SGK3: variants seen among roughly 807,000 people sequenced by gnomAD.
SGK3 encodes the protein serum/glucocorticoid regulated kinase family member 3, also known as serine/threonine-protein kinase Sgk3.
Under a neutral mutation model 68.5 loss-of-function variants are expected in SGK3, and 47 were observed. The ratio of observed to expected loss-of-function variants is 0.69; its 90% CI spans 0.54 to 0.87. The LOEUF is 0.87. Among genes scored for constraint, SGK3 ranks in the 40% least tolerant of loss-of-function variants. The pLI is 0.00. For missense variants in SGK3, 479 were observed against 575.5 expected, an observed-to-expected ratio of 0.83 and a Z score of 1.72; for synonymous variants, 181 against 189.1, an observed-to-expected ratio of 0.96 and a Z score of 0.35.
In SGK3 at chr8:66,859,899, A is replaced by C. The variant is rs77572541; in HGVS notation, c.*318A>C. ...TTTTTCCCTCTAAGTTTACACTAAC[A>C]TCTACCCAAGATAGACTGTTTTTTA... On this transcript the variant is annotated 3_prime_UTR_variant, in exon 17 of 17. Coordinates refer to ENST00000521198, the MANE Select transcript of SGK3 (RefSeq NM_001033578.3). 4.9e-6 allele frequency: 1 copy of C among 204,668 alleles called. No homozygotes were observed. The highest frequency in any genetic ancestry group is 1.1e-4 in the East Asian group (1 of 8,780). 12.7% of individuals were successfully genotyped at this position (204,668 alleles called of 1,614,324 possible).
At chr8:66,760,241 G>T (rs1321743440) in intron 1 of SGK3, among the ~76,000 whole-genome samples, 13 of 151,832 alleles carry the variant, frequency 8.6e-5, no homozygotes, top group Admixed American at 7.9e-4. Context: ...TCTACATTTG[G>T]CTTGAAAGCT....
chr8:66,806,739 G>A (rs961250577), intron 4 of SGK3, among the ~76,000 whole-genome samples: 4 of 151,610 alleles, frequency 2.6e-5, no homozygotes, highest in African/African-American at 9.7e-5. Flanking sequence ...CTTGAATCCA[G>A]GAGTCGGAGG....
At chr8:66,729,165 G>A (rs1805064850) in intron 1 of SGK3, among the ~76,000 whole-genome samples, 2 of 148,728 alleles carry the variant, frequency 1.3e-5, no homozygotes, top group Non-Finnish European at 3.0e-5. Flanking sequence ...CTTGCAGTGA[G>A]CCGAGATCGC....
chr8:66,769,954 CTT>C (rs1034513828), intron 1 of SGK3, among the ~76,000 whole-genome samples: 1 of 151,874 alleles, frequency 6.6e-6, no homozygotes, highest in Non-Finnish European at 1.5e-5. Context: ...TTAGTGATTA[CTT>C]TTTTTGTTTG....
At chr8:66,762,875 C>T (rs1806215960) in intron 1 of SGK3, among the ~76,000 whole-genome samples, 1 of 152,192 alleles carries the variant, frequency 6.6e-6, no homozygotes, top group Admixed American at 6.5e-5. Context: ...CCTGCAGTCC[C>T]TATAAATTGG....
At chr8:66,800,374 C>T (rs1015375737) in intron 3 of SGK3, among the ~76,000 whole-genome samples, 18 of 124,784 alleles carry the variant, frequency 1.4e-4, no homozygotes, top group East Asian at 4.5e-4. Context: ...GGAGTTTTTT[C>T]ATTTCTTTTT....
At chr8:66,760,129 A>G (rs1262196507) in intron 1 of SGK3, among the ~76,000 whole-genome samples, 3 of 152,178 alleles carry the variant, frequency 2.0e-5, no homozygotes, top group Non-Finnish European at 4.4e-5. Flanking sequence ...ACAATATTAT[A>G]AAAATCACAT....
chr8:66,764,216 AGAGTTT>A (rs1006468346), intron 1 of SGK3, among the ~76,000 whole-genome samples: 3 of 152,150 alleles, frequency 2.0e-5, no homozygotes, highest in African/African-American at 7.2e-5. Flanking sequence ...TTACCTGAAT[AGAGTTT>A]AAGATTTTTT....
chr8:66,761,947 C>A (rs1477038230), intron 1 of SGK3, among the ~76,000 whole-genome samples: 5 of 152,168 alleles, frequency 3.3e-5, no homozygotes, highest in Admixed American at 3.3e-4. Context: ...CCTACACACA[C>A]ATAATTTTGA....
At chr8:66,844,583 G>C (rs934170087) in intron 14 of SGK3, among the ~76,000 whole-genome samples, 15 of 152,200 alleles carry the variant, frequency 9.9e-5, no homozygotes, top group Non-Finnish European at 1.8e-4. Context: ...TTTTTGACAT[G>C]TTTAGAAATA....
chr8:66,765,697 T>G lies in SGK3; in HGVS notation c.-121-27919T>G, dbSNP rs1402896042. The stretch of plus-strand genomic sequence containing the variant: ...TCCTTTCAATTTCTTCTTTGACCCA[T>G]GGGTTATTAGGGCTGTATATTTGGA... On this transcript the variant is annotated intron_variant, in intron 1 of 16. Transcript: ENST00000521198. Among the ~76,000 whole-genome samples, 7 of 152,266 alleles carry G rather than the reference T, an allele frequency of 4.6e-5. No homozygotes were observed. The East Asian group carries it at 7.7e-4, about 17-fold the overall frequency.
At chr8:66,771,989 A>G (rs538743954) in intron 1 of SGK3, among the ~76,000 whole-genome samples, 8 of 150,218 alleles carry the variant, frequency 5.3e-5, no homozygotes, top group African/African-American at 1.7e-4. Flanking sequence ...TTACTTCAGT[A>G]TCATAATATT....
intron 14 of SGK3, among the ~76,000 whole-genome samples, chr8:66,844,021 C>G (rs1023236964): frequency 6.3e-5 from 9 of 143,208 alleles, no homozygotes; most frequent in African/African-American, 1.6e-4. Flanking sequence ...AAAAAAAAAC[C>G]CTTTTTATTT....
At chr8:66,793,530 A>C (rs190038534) in intron 1 of SGK3, 86 bp from the exon 2 acceptor site, 2 of 438,172 alleles carry the variant, frequency 4.6e-6, no homozygotes, top group African/African-American at 4.0e-5. Flanking sequence ...AGAATAAACG[A>C]AAATTAGTCC....
chr8:66,714,528 A>G (rs1488571077), intron 1 of SGK3, among the ~76,000 whole-genome samples: 1 of 152,052 alleles, frequency 6.6e-6, no homozygotes, highest in Non-Finnish European at 1.5e-5. Context: ...TCTCTCTCAT[A>G]TATTTAACTT....
intron 1 of SGK3, among the ~76,000 whole-genome samples, chr8:66,721,289 T>A (rs1489713917): frequency 6.6e-6 from 1 of 152,212 alleles, no homozygotes; most frequent in Non-Finnish European, 1.5e-5. Context: ...GTATAGCAGG[T>A]GTGGGCTCCT....
chr8:66,858,334 T>C (rs192767513), intron 16 of SGK3, among the ~76,000 whole-genome samples: 1,588 of 151,760 alleles, frequency 0.01, 13 homozygotes, highest in Middle Eastern at 0.027. Flanking sequence ...GGCATGGTGG[T>C]GGGCGCCTGT....
At chr8:66,719,660 A>G (rs1018207449) in intron 1 of SGK3, among the ~76,000 whole-genome samples, 2 of 152,156 alleles carry the variant, frequency 1.3e-5, no homozygotes, top group African/African-American at 4.8e-5. Context: ...ACATCTATAG[A>G]TCTATATCGT....
In SGK3 at chr8:66,723,131, A is replaced by ATTTTTTTT. The variant is rs1177940065; in HGVS notation, c.-122+10312_-122+10319dup. Among the ~76,000 whole-genome samples the ATTTTTTTT allele has an allele frequency of 1.4e-3, 41 of 29,498 alleles. 5 individuals carry two copies. The highest frequency in any genetic ancestry group is 3.4e-3 in the East Asian group (2 of 582). The allele number at this position is 29,498 out of a possible 152,430, so 19.4% of individuals were successfully genotyped here. A position where few individuals can be genotyped will look rare whatever the true frequency, so the allele number is the denominator to read the frequency against. On this transcript the variant is annotated intron_variant, in intron 1 of 16. Coordinates refer to ENST00000521198, the MANE Select transcript of SGK3 (RefSeq NM_001033578.3). ...TATATATATATATATATATATATAT[A>ATTTTTTTT]TTTTTTTTTTTTTTTTTTTTTGTAA...
Sources: gnomAD v4.1 joint callset for allele counts (sites outside exome capture counted in the v4.1 genomes callset) on GRCh38, gnomAD v4.1.1 for gene constraint, MANE v1.5 for transcripts, NCBI Gene and HGNC (gene_info 2026-07-23, HGNC 2026-07-21) for gene names.